Variants in BORCS5 observed in about 807,000 individuals in gnomAD.
The protein encoded by BORCS5 is BLOC-1 related complex subunit 5.
Under a neutral mutation model 22.1 loss-of-function variants are expected in BORCS5, and 17 were observed. The ratio of observed to expected loss-of-function variants is 0.77; its 90% CI spans 0.53 to 1.15. The LOEUF (loss-of-function observed/expected upper bound fraction) is 1.15, where lower values mean the gene tolerates loss of function less well. Ranked by LOEUF, BORCS5 falls within the 50% of genes most tolerant of loss-of-function variation. The pLI is 0.00. For synonymous variants in BORCS5, 117 were observed against 99.8 expected, an observed-to-expected ratio of 1.17 and a Z score of -1.03; for missense variants, 247 against 253.2, an observed-to-expected ratio of 0.98 and a Z score of 0.17.
chr12:12,424,919 GA>G (rs1174858434), intron 2 of BORCS5, among the ~76,000 whole-genome samples: 5 of 152,084 alleles, frequency 3.3e-5, no homozygotes, highest in Non-Finnish European at 5.9e-5. Context: ...GAAGGAGGGT[GA>G]AAAAAATGCT....
chr12:12,460,980 T>C (rs1453188807), intron 3 of BORCS5, among the ~76,000 whole-genome samples: 3 of 152,210 alleles, frequency 2.0e-5, no homozygotes, highest in African/African-American at 7.2e-5. Context: ...GAGCACATTC[T>C]ACAGATGCCT....
At chr12:12,378,557 T>C (rs371975000) in intron 2 of BORCS5, among the ~76,000 whole-genome samples, 2 of 151,708 alleles carry the variant, frequency 1.3e-5, no homozygotes, top group South Asian at 2.1e-4. Flanking sequence ...GTTTTCTTTA[T>C]AAGAGTCAAA....
chr12:12,368,021 C>G (rs1863440447), intron 2 of BORCS5, among the ~76,000 whole-genome samples: 1 of 152,236 alleles, frequency 6.6e-6, no homozygotes, highest in African/African-American at 2.4e-5. Context: ...CTTACTGACT[C>G]CATGGGTGCT....
Position 12,470,020 on chromosome 12 carries a change from G to T in BORCS5, c.*4244G>T, listed in dbSNP as rs1425795384. ...ACCCATCTGTGGCGTGTGAGGAAGT[G>T]TGCTGCACAGCAGGAGGTGAGCGGC... On this transcript the variant is annotated 3_prime_UTR_variant, in exon 4 of 4. Transcript: ENST00000314565. Among the ~76,000 whole-genome samples the T allele has an allele frequency of 1.3e-5, 2 of 152,186 alleles. No individual in the cohort carries two copies. The highest frequency in any genetic ancestry group is 6.5e-5 in the Admixed American group (1 of 15,288).
At chr12:12,366,906 AAG>A (rs1306825995) in intron 2 of BORCS5, among the ~76,000 whole-genome samples, 2 of 152,226 alleles carry the variant, frequency 1.3e-5, no homozygotes, top group Non-Finnish European at 2.9e-5. Flanking sequence ...GATACAACGT[AAG>A]AGATTGTATT....
chr12:12,435,880 C>G, intron 3 of BORCS5, 95 bp downstream of exon 3: 1 of 1,252,348 alleles, frequency 8.0e-7, no homozygotes, highest in East Asian at 2.5e-5. Context: ...GTCACTATTG[C>G]TTTGAGGAGA....
chr12:12,453,679 T>A (rs1942952850), intron 3 of BORCS5, among the ~76,000 whole-genome samples: 1 of 152,232 alleles, frequency 6.6e-6, no homozygotes, highest in Admixed American at 6.5e-5. Flanking sequence ...TATTATTTTT[T>A]AAAACTGAGT....
intron 2 of BORCS5, among the ~76,000 whole-genome samples, chr12:12,410,768 T>G (rs550751035): frequency 1.3e-3 from 196 of 152,324 alleles, no homozygotes; most frequent in African/African-American, 4.4e-3. Flanking sequence ...GTGAAGAAAG[T>G]CATTGGTAGC....
chr12:12,372,254 G>T (rs1176887907), intron 2 of BORCS5, among the ~76,000 whole-genome samples: 2 of 152,130 alleles, frequency 1.3e-5, no homozygotes, highest in African/African-American at 4.8e-5. Flanking sequence ...TGGCCAGGCT[G>T]GTCTTGAACT....
Position 12,359,509 on chromosome 12 carries a change from A to T in BORCS5, c.59-1697A>T, listed in dbSNP as rs113568670. 6.6e-3 allele frequency among the ~76,000 whole-genome samples: 995 copies of T among 151,834 alleles called. 11 individuals carry two copies. Among genetic ancestry groups the T allele is most frequent in the African/African-American group, 0.022 (925 of 41,404 alleles). ...CCCAAGTAGCTGGGATTACAGGGAC[A>T]TGCCACCACGCCTGGATAATTTTTG... On this transcript the variant is annotated intron_variant, in intron 1 of 3. Coordinates refer to ENST00000314565, the MANE Select transcript of BORCS5 (RefSeq NM_058169.6).
chr12:12,408,931 T>G (rs1941652154), intron 2 of BORCS5, among the ~76,000 whole-genome samples: 1 of 152,208 alleles, frequency 6.6e-6, no homozygotes, highest in African/African-American at 2.4e-5. Flanking sequence ...GACCCTGCTT[T>G]TGATTCTTTT....
chr12:12,380,910 G>A (rs949585664), intron 2 of BORCS5, among the ~76,000 whole-genome samples: 1 of 150,322 alleles, frequency 6.7e-6, no homozygotes, highest in African/African-American at 2.4e-5. Context: ...AACTTATATT[G>A]TATTATAACA....
At chr12:12,398,542 C>T (rs1286889400) in intron 2 of BORCS5, among the ~76,000 whole-genome samples, 2 of 152,158 alleles carry the variant, frequency 1.3e-5, no homozygotes, top group South Asian at 2.1e-4. Flanking sequence ...CAGATCCCTG[C>T]GGAGGGTTGT....
At chr12:12,405,424 CA>C (rs36025580) in intron 2 of BORCS5, among the ~76,000 whole-genome samples, 1 of 152,108 alleles carries the variant, frequency 6.6e-6, no homozygotes, top group South Asian at 2.1e-4. Context: ...TTTCTGTCAC[CA>C]AAAATCATTA....
At chr12:12,445,499 T>G (rs1193998854) in intron 3 of BORCS5, among the ~76,000 whole-genome samples, 5 of 132,008 alleles carry the variant, frequency 3.8e-5, no homozygotes, top group Admixed American at 2.1e-4. Context: ...TGCATTGCTT[T>G]TTTTTTTTTT....
intron 2 of BORCS5, among the ~76,000 whole-genome samples, chr12:12,406,187 T>C (rs1248223439): frequency 6.6e-6 from 1 of 152,270 alleles, no homozygotes; most frequent in Non-Finnish European, 1.5e-5. Context: ...TTTGCTTTAT[T>C]GCCAACTCAT....
chr12:12,360,465 C>T (rs574846994), intron 1 of BORCS5, among the ~76,000 whole-genome samples: 2 of 152,088 alleles, frequency 1.3e-5, no homozygotes, highest in Admixed American at 6.5e-5. Context: ...GATCATGGCT[C>T]ACTGTGGTCT....
At chr12:12,389,869 C>G (rs1327421468) in intron 2 of BORCS5, among the ~76,000 whole-genome samples, 2 of 152,074 alleles carry the variant, frequency 1.3e-5, no homozygotes, top group Admixed American at 6.6e-5. Context: ...ATCTTGAACT[C>G]TTGACCTCAA....
chr12:12,382,415 C>T (rs945572846), intron 2 of BORCS5, among the ~76,000 whole-genome samples: 3 of 151,310 alleles, frequency 2.0e-5, no homozygotes, highest in African/African-American at 7.3e-5. Flanking sequence ...ACTCATACAT[C>T]TCCCACTAGA....
Sources: allele counts gnomAD v4.1 joint callset (sites outside exome capture counted in the v4.1 genomes callset), GRCh38; gene constraint gnomAD v4.1.1; transcripts MANE v1.5; gene names NCBI Gene and HGNC (gene_info 2026-07-23, HGNC 2026-07-21).